Variants in WDR5 observed in about 807,000 individuals in gnomAD.
WDR5 encodes WD repeat domain 5.
For synonymous variants in WDR5, 144 were observed against 161.6 expected (o/e 0.89, Z 0.83); for missense variants, 187 against 416.9 (o/e 0.45, Z 4.80).
intron 1 of WDR5, among the ~76,000 whole-genome samples, chr9:134,138,486 A>G (rs1374306453): frequency 6.6e-6 from 1 of 152,192 alleles, no homozygotes; most frequent in Non-Finnish European, 1.5e-5. Context: ...GGTTGCACTA[A>G]TGACAAGTAC....
At chr9:134,147,278 G>A (rs1394339489) in intron 7 of WDR5, among the ~76,000 whole-genome samples, 1 of 152,216 alleles carries the variant, frequency 6.6e-6, no homozygotes, top group Admixed American at 6.5e-5. Flanking sequence ...CAGGCAGCAT[G>A]CCCCGGGGAC....
chr9:134,140,929 G>T (rs918004350), intron 3 of WDR5, 118 bp downstream of exon 3: 2 of 936,648 alleles, frequency 2.1e-6, no homozygotes. Context: ...CAGGCCGCTG[G>T]GGGGCACGTA....
chr9:134,152,725 C>T (rs74971171), intron 9 of WDR5, among the ~76,000 whole-genome samples: 2,838 of 152,296 alleles, frequency 0.019, 92 homozygotes, highest in African/African-American at 0.064. Context: ...ACCCCGTTTG[C>T]GCCCTTCTTC....
At chr9:134,151,071 T>C (rs1274195738) in intron 8 of WDR5, among the ~76,000 whole-genome samples, 1 of 152,130 alleles carries the variant, frequency 6.6e-6, no homozygotes, top group Non-Finnish European at 1.5e-5. Flanking sequence ...CCCGCAGTGA[T>C]TGCGGAGCTA....
chr9:134,153,233 T>C (rs1259717351), intron 9 of WDR5, among the ~76,000 whole-genome samples: 1 of 152,172 alleles, frequency 6.6e-6, no homozygotes, highest in Non-Finnish European at 1.5e-5. Context: ...GGGGTTGTCC[T>C]CATCCTGCAT....
At chr9:134,145,137 T>C (rs1357593754) in intron 7 of WDR5, among the ~76,000 whole-genome samples, 1 of 131,334 alleles carries the variant, frequency 7.6e-6, no homozygotes, top group Admixed American at 9.9e-5. Flanking sequence ...CTCACTCTGT[T>C]GCCCAGGCTG....
intron 7 of WDR5, among the ~76,000 whole-genome samples, chr9:134,146,519 A>C (rs78803157): frequency 0.011 from 1,706 of 152,288 alleles, 20 homozygotes; most frequent in Middle Eastern, 0.024. Flanking sequence ...TACAGGCGTA[A>C]GCCACCGCGC....
Position 134,140,722 on chromosome 9 carries a change from A to G in WDR5, c.101A>G (p.Asn34Ser). ...TQSKPTPVKP[N>S]YALKFTLAGH... is the part of the protein sequence containing the mutation. ...CTGCAGCCTACACCTGTGAAGCCAA[A>G]CTATGCTCTAAAGTTCACCCTTGCT... is the stretch of plus-strand genomic sequence containing the variant. The change falls in exon 3 of 14, where the codon AAC (asparagine) becomes AGC (serine). Residue 34 changes from asparagine to serine, a missense_variant. Coordinates refer to ENST00000358625, the MANE Select transcript of WDR5 (RefSeq NM_017588.3). The G allele has an allele frequency of 6.2e-7, 1 of 1,614,186 alleles. No individual in the cohort carries two copies. The highest frequency in any genetic ancestry group is 8.5e-7 in the Non-Finnish European group (1 of 1,180,032).
intron 2 of WDR5, 112 bp downstream of exon 2, chr9:134,140,070 GCTAATTTTTATTTA>G: frequency 7.9e-7 from 1 of 1,261,710 alleles, no homozygotes. Context: ...AAATGTCACT[GCTAATTTTTATTTA>G]CTGACCGCAT....
upstream of WDR5, chr9:134,135,978 A>T (rs1006524579): frequency 1.3e-5 from 2 of 151,972 alleles, no homozygotes; most frequent in South Asian, 4.1e-4. Flanking sequence ...GGCCCGAGGC[A>T]TTCTGGCCGC....
chr9:134,156,022 C>T (rs977763501), intron 12 of WDR5, among the ~76,000 whole-genome samples: 3 of 152,222 alleles, frequency 2.0e-5, no homozygotes, highest in South Asian at 2.1e-4. Flanking sequence ...CTTCCGAGGG[C>T]GCTGGGACCC....
chr9:134,141,814 G>C (rs1831904144), intron 4 of WDR5, 135 bp from the exon 5 acceptor site: 1 of 942,952 alleles, frequency 1.1e-6, no homozygotes, highest in African/African-American at 1.6e-5. Context: ...TTTTCTCCTG[G>C]GCCGTGTGTC....
chr9:134,148,692 C>T (rs1265267710), intron 8 of WDR5, among the ~76,000 whole-genome samples: 1 of 152,130 alleles, frequency 6.6e-6, no homozygotes, highest in Admixed American at 6.5e-5. Flanking sequence ...CTGTGCTGCT[C>T]TGGGAGGATG....
chr9:134,156,269 G>C (rs969151149), intron 12 of WDR5, among the ~76,000 whole-genome samples: 2 of 152,242 alleles, frequency 1.3e-5, no homozygotes, highest in South Asian at 4.1e-4. Flanking sequence ...GCAGGCAGGT[G>C]CCTGGCTTCT....
intron 1 of WDR5, among the ~76,000 whole-genome samples, chr9:134,137,383 A>G (rs1831619286): frequency 1.3e-5 from 2 of 152,104 alleles, no homozygotes; most frequent in Admixed American, 1.3e-4. Context: ...CTGAGTGTTC[A>G]TGAAAATGCC....
intron 7 of WDR5, among the ~76,000 whole-genome samples, chr9:134,144,902 G>A (rs980099880): frequency 1.3e-5 from 2 of 152,074 alleles, no homozygotes; most frequent in African/African-American, 4.8e-5. Flanking sequence ...CACCCCTGGG[G>A]TCAGCTGCCA....
Position 134,158,306 on chromosome 9 carries a change from G to C in WDR5, c.*313G>C, listed in dbSNP as rs887393125. The C allele has an allele frequency of 1.3e-5, 3 of 223,190 alleles. No individual in the cohort carries two copies. Among genetic ancestry groups the C allele is most frequent in the African/African-American group, 6.9e-5 (3 of 43,534 alleles). 13.8% of individuals were successfully genotyped at this position (223,190 alleles called of 1,614,324 possible). A position where few individuals can be genotyped will look rare whatever the true frequency, so the allele number is the denominator to read the frequency against. On this transcript the variant is annotated 3_prime_UTR_variant, in exon 14 of 14. Transcript: ENST00000358625. ...AAGGGTGAAGTTCAATTTAACATGCGTTGTGTTTTTTCAGTAAACGTTCTG... is the reference window on the plus strand; with the variant it reads ...AAGGGTGAAGTTCAATTTAACATGCCTTGTGTTTTTTCAGTAAACGTTCTG...
chr9:134,153,511 GC>G (rs1197984804), intron 9 of WDR5, among the ~76,000 whole-genome samples: 1 of 152,228 alleles, frequency 6.6e-6, no homozygotes, highest in African/African-American at 2.4e-5. Flanking sequence ...AGGGAGCCCG[GC>G]CCCCCGGCCC....
At chr9:134,142,837 C>G in intron 7 of WDR5, 118 bp downstream of exon 7, 1 of 1,020,304 alleles carries the variant, frequency 9.8e-7, no homozygotes, top group Non-Finnish European at 1.5e-6. Flanking sequence ...CTAGCTGATT[C>G]CTGCTGTCAT....
Sources: gnomAD v4.1 joint callset for allele counts (sites outside exome capture counted in the v4.1 genomes callset) on GRCh38, gnomAD v4.1.1 for gene constraint, MANE v1.5 for transcripts, NCBI Gene and HGNC (gene_info 2026-07-23, HGNC 2026-07-21) for gene names.